DENND1A: variants seen among roughly 807,000 people sequenced by gnomAD.
The protein encoded by DENND1A is DENN domain containing 1A.
Under a neutral mutation model 113.7 loss-of-function variants are expected in DENND1A, and 51 were observed. The ratio of observed to expected loss-of-function variants is 0.45; its 90% CI spans 0.36 to 0.57. DENND1A has a LOEUF of 0.57. Ranked by LOEUF, DENND1A falls within the 20% of genes least tolerant of loss-of-function variation. DENND1A has a pLI of 0.00. For missense variants in DENND1A, 1,258 were observed against 1,395.9 expected (o/e 0.90, Z 1.57); for synonymous variants, 565 against 570.8 (o/e 0.99, Z 0.14).
chr9:123,681,794 A>T (rs949654564), intron 5 of DENND1A, among the ~76,000 whole-genome samples: 1 of 152,172 alleles, frequency 6.6e-6, no homozygotes, highest in Admixed American at 6.5e-5. Context: ...CCCAATTATA[A>T]TGAGCACACT....
chr9:123,686,426 C>T (rs193254673), intron 5 of DENND1A, among the ~76,000 whole-genome samples: 8 of 152,310 alleles, frequency 5.3e-5, no homozygotes, highest in Non-Finnish European at 1.0e-4. Flanking sequence ...GTGGTTCTCA[C>T]TGTAGTGCTT....
At chr9:123,900,231 C>A (rs1851396362) in intron 1 of DENND1A, among the ~76,000 whole-genome samples, 1 of 152,178 alleles carries the variant, frequency 6.6e-6, no homozygotes, top group African/African-American at 2.4e-5. Flanking sequence ...TGATTATATT[C>A]TTTTAAGAAC....
intron 13 of DENND1A, among the ~76,000 whole-genome samples, chr9:123,490,518 G>A (rs1430873644): frequency 2.6e-5 from 4 of 152,152 alleles, no homozygotes; most frequent in Non-Finnish European, 4.4e-5. Flanking sequence ...GAACCCAGGG[G>A]ACAGAGGTTA....
intron 3 of DENND1A, among the ~76,000 whole-genome samples, chr9:123,775,449 T>C (rs1830324873): frequency 6.6e-6 from 1 of 151,262 alleles, no homozygotes; most frequent in South Asian, 2.1e-4. Context: ...GGAATAGGGG[T>C]CCCAACAGTA....
chr9:123,568,627 T>C (rs115092919), intron 12 of DENND1A, among the ~76,000 whole-genome samples: 98 of 152,294 alleles, frequency 6.4e-4, no homozygotes, highest in African/African-American at 2.4e-3. Flanking sequence ...GAGCTTGGTG[T>C]TTACAAAGAT....
chr9:123,457,406 A>C lies in DENND1A; in HGVS notation c.1128T>G (p.Asn376Lys). The C allele has an allele frequency of 6.2e-7, 1 of 1,614,074 alleles. No individual in the cohort carries two copies. The highest frequency in any genetic ancestry group is 8.5e-7 in the Non-Finnish European group (1 of 1,179,916). ...AAACATCACTGAAACCTTCGCCGGA[A>C]TTGAGAAGATCTAATCGACCATCAA... ...QFIDGRLDLL[N>K]SGEGFSDVFE... is the part of the protein sequence containing the mutation. Residue 376 changes from asparagine (N) to lysine (K), a missense_variant, in exon 15 of 24, where the codon AAT becomes AAG. Asn to Lys is a moderately conservative substitution (Grantham distance 94). Around this residue, in one of 2 missense-constraint regions of DENND1A, gnomAD observed 1,159 missense variants for 1,231.7 expected, o/e 0.94. Coordinates refer to ENST00000394215, the MANE Select transcript of DENND1A (RefSeq NM_001352964.2).
chr9:123,389,638 A>T (rs1233093173), intron 21 of DENND1A, among the ~76,000 whole-genome samples: 2 of 152,166 alleles, frequency 1.3e-5, no homozygotes, highest in African/African-American at 2.4e-5. Flanking sequence ...AAAACCTATA[A>T]ATCTGCCATT....
intron 2 of DENND1A, among the ~76,000 whole-genome samples, chr9:123,872,630 T>G (rs545179848): frequency 2.6e-5 from 4 of 152,226 alleles, no homozygotes; most frequent in Non-Finnish European, 4.4e-5. Context: ...AGTTTAAAAT[T>G]TTACATACTC....
chr9:123,872,217 TCTC>T (rs1389097476), intron 2 of DENND1A, among the ~76,000 whole-genome samples: 5 of 152,146 alleles, frequency 3.3e-5, no homozygotes, highest in African/African-American at 1.2e-4. Context: ...AGATCAAAGA[TCTC>T]CTCAAAATGA....
intron 10 of DENND1A, among the ~76,000 whole-genome samples, chr9:123,623,953 T>C (rs2061077801): frequency 6.6e-6 from 1 of 152,216 alleles, no homozygotes; most frequent in Non-Finnish European, 1.5e-5. Flanking sequence ...GCCTACACTG[T>C]TGTCCTGAAA....
chr9:123,592,277 T>A (rs10986066), intron 11 of DENND1A, among the ~76,000 whole-genome samples: 1 of 152,120 alleles, frequency 6.6e-6, no homozygotes, highest in African/African-American at 2.4e-5. Flanking sequence ...TAAGTCTCTA[T>A]TATTATACTC....
chr9:123,411,715 G>A, intron 20 of DENND1A, 61 bp downstream of exon 20: 2 of 978,916 alleles, frequency 2.0e-6, no homozygotes, highest in Non-Finnish European at 1.2e-6. Context: ...GGTTTAGTCA[G>A]GCTGAGGGAG....
intron 5 of DENND1A, among the ~76,000 whole-genome samples, chr9:123,749,219 A>T (rs2069793312): frequency 6.6e-6 from 1 of 152,210 alleles, no homozygotes; most frequent in Admixed American, 6.5e-5. Context: ...TTTCATTTTC[A>T]TCATTTATAA....
At chr9:123,501,076 G>A (rs960723958) in intron 13 of DENND1A, among the ~76,000 whole-genome samples, 3 of 152,102 alleles carry the variant, frequency 2.0e-5, no homozygotes, top group Admixed American at 6.5e-5. Flanking sequence ...CTGAAATTCT[G>A]TAGGCCTGAA....
At chr9:123,728,315 T>G (rs1192627979) in intron 5 of DENND1A, among the ~76,000 whole-genome samples, 3 of 148,824 alleles carry the variant, frequency 2.0e-5, no homozygotes, top group Admixed American at 2.0e-4. Flanking sequence ...CTGTCTCTAC[T>G]AAAAATACAA....
chr9:123,407,234 C>A (rs112509774), intron 20 of DENND1A, among the ~76,000 whole-genome samples: 4 of 152,126 alleles, frequency 2.6e-5, no homozygotes, highest in African/African-American at 9.6e-5. Context: ...ACGCCAGACC[C>A]AGAGGCGGTT....
chr9:123,440,561 C>T (rs749851139), intron 18 of DENND1A, 70 bp from the exon 19 acceptor site: 111 of 1,478,242 alleles, frequency 7.5e-5, no homozygotes, highest in Non-Finnish European at 8.5e-5. Flanking sequence ...CACCCCACAA[C>T]GAAGAGGCCT....
chr9:123,717,861 T>A (rs1309717957), intron 5 of DENND1A, among the ~76,000 whole-genome samples: 1 of 152,220 alleles, frequency 6.6e-6, no homozygotes, highest in Non-Finnish European at 1.5e-5. Flanking sequence ...AATAGCCCCC[T>A]ATCCCTCCAG....
Position 123,929,917 on chromosome 9 carries a change from C to T in DENND1A, c.-12G>A. On this transcript the variant is annotated 5_prime_UTR_variant, in exon 1 of 24. Transcript: ENST00000394215. ...ATCCTGGAGCCCATGGTCCCCAGGC[C>T]TCCTCATGGGCCCGCGGGCCCCGCT... is the stretch of plus-strand genomic sequence containing the variant. The T allele has an allele frequency of 2.9e-6, 1 of 346,412 alleles. No individual in the cohort carries two copies. The allele number at this position is 346,412 out of a possible 1,614,324, so 21.5% of individuals were successfully genotyped here.
Sources: gnomAD v4.1 joint callset for allele counts (sites outside exome capture counted in the v4.1 genomes callset) on GRCh38, gnomAD v4.1.1 for gene constraint, gnomAD v4.1.1 regional missense constraint, MANE v1.5 for transcripts, NCBI Gene and HGNC (gene_info 2026-07-23, HGNC 2026-07-21) for gene names.